CACNA2D2: variants seen among roughly 807,000 people sequenced by gnomAD.
CACNA2D2 encodes the protein voltage-dependent calcium channel subunit alpha-2/delta-2.
CACNA2D2 carries 48 observed loss-of-function variants against 166.4 expected under a neutral mutation model. The observed-to-expected ratio is 0.29, with a 90% CI of 0.23 to 0.37. The LOEUF (loss-of-function observed/expected upper bound fraction) is 0.37, where lower values mean the gene tolerates loss of function less well. Ranked by LOEUF, CACNA2D2 falls within the 10% of genes least tolerant of loss-of-function variation. CACNA2D2 has a pLI of 1.00. For synonymous variants in CACNA2D2, 561 were observed against 573.7 expected, an observed-to-expected ratio of 0.98 and a Z score of 0.32; for missense variants, 1,122 against 1,433.0, an observed-to-expected ratio of 0.78 and a Z score of 3.50.
chr3:50,440,678 G>A (rs895129143), intron 2 of CACNA2D2, among the ~76,000 whole-genome samples: 3 of 152,164 alleles, frequency 2.0e-5, no homozygotes, highest in Non-Finnish European at 4.4e-5. Context: ...TCTCCTGGGT[G>A]GGCGGCCCAT....
intron 24 of CACNA2D2, 112 bp from the exon 25 acceptor site, chr3:50,368,014 G>A (rs1290769870): frequency 4.5e-5 from 52 of 1,145,708 alleles, no homozygotes; most frequent in Non-Finnish European, 6.3e-5. Flanking sequence ...CCTGGCCCTG[G>A]CCCAGGCCCA....
chr3:50,469,925 C>T (rs1559980008), intron 2 of CACNA2D2, among the ~76,000 whole-genome samples: 1 of 152,236 alleles, frequency 6.6e-6, no homozygotes, highest in African/African-American at 2.4e-5. Context: ...CTTGGAAGTG[C>T]CCTCTAGTGA....
rs754976968 is a variant in CACNA2D2, at chr3:50,366,567, G to T, written c.2637+11C>A. ...AAGCTAGGGTCCAGGGTAGGTTCAG[G>T]GCACACACACCTCATTGTTAACCTC... On this transcript the variant is annotated intron_variant, in intron 30 of 37. Transcript: ENST00000424201. This position sits in a 1 kb window ranked among gnomAD's most constrained non-coding sequence, Gnocchi z 5.9. The T allele has an allele frequency of 6.2e-7, 1 of 1,613,754 alleles. No homozygotes were observed. The highest frequency in any genetic ancestry group is 8.5e-7 in the Non-Finnish European group (1 of 1,179,762).
chr3:50,465,173 G>A (rs1402226015), intron 2 of CACNA2D2, among the ~76,000 whole-genome samples: 1 of 152,234 alleles, frequency 6.6e-6, no homozygotes. Flanking sequence ...CCCGGGAGGT[G>A]GCCACATTTG....
intron 1 of CACNA2D2, among the ~76,000 whole-genome samples, chr3:50,497,175 C>A (rs977116336): frequency 1.6e-4 from 25 of 152,156 alleles, no homozygotes; most frequent in African/African-American, 5.1e-4. Context: ...GCGGCCACAG[C>A]TAAAGCAGGG....
chr3:50,363,184 C>T lies in CACNA2D2; in HGVS notation c.*1482G>A. ...TGACTACACTACAGTTACACGCACG[C>T]CCCCGAAGGACACAGCTGGCATCCA... is the stretch of plus-strand genomic sequence containing the variant. On this transcript the variant is annotated 3_prime_UTR_variant, in exon 38 of 38. Coordinates refer to ENST00000424201, the MANE Select transcript of CACNA2D2 (RefSeq NM_006030.4). 2.5e-6 allele frequency: 1 copy of T among 398,942 alleles called. No individual in the cohort carries two copies. Among genetic ancestry groups the T allele is most frequent in the Non-Finnish European group, 4.4e-6 (1 of 226,064 alleles). The allele number at this position is 398,942 out of a possible 1,614,324, so 24.7% of individuals were successfully genotyped here. A position where few individuals can be genotyped will look rare whatever the true frequency, so the allele number is the denominator to read the frequency against.
chr3:50,462,509 C>T (rs1166732434), intron 2 of CACNA2D2, among the ~76,000 whole-genome samples: 2 of 151,898 alleles, frequency 1.3e-5, no homozygotes, highest in Non-Finnish European at 2.9e-5. Flanking sequence ...ATCCAAAAGT[C>T]TTCCGCAAGG....
intron 2 of CACNA2D2, among the ~76,000 whole-genome samples, chr3:50,435,082 C>T (rs1386090693): frequency 1.3e-5 from 2 of 152,036 alleles, no homozygotes; most frequent in Non-Finnish European, 2.9e-5. Context: ...CCCAGCCTTC[C>T]TCCAAGGGGG....
At chr3:50,420,366 G>A (rs1707491483) in intron 3 of CACNA2D2, among the ~76,000 whole-genome samples, 2 of 152,216 alleles carry the variant, frequency 1.3e-5, no homozygotes, top group Non-Finnish European at 2.9e-5. Flanking sequence ...GCAGCCTCTG[G>A]TTTTCCATGT....
intron 4 of CACNA2D2, among the ~76,000 whole-genome samples, chr3:50,391,047 G>A (rs115586086): frequency 0.026 from 3,954 of 152,366 alleles, 81 homozygotes; most frequent in Non-Finnish European, 0.042. Context: ...TGGCTTGGCA[G>A]AGGCAGGCAG....
At chr3:50,440,518 C>T (rs985225569) in intron 2 of CACNA2D2, among the ~76,000 whole-genome samples, 3 of 152,238 alleles carry the variant, frequency 2.0e-5, no homozygotes, top group African/African-American at 4.8e-5. Flanking sequence ...ATTAATAATT[C>T]CCCTTCATAT....
chr3:50,415,324 T>C (rs1299096083), intron 3 of CACNA2D2, among the ~76,000 whole-genome samples: 3 of 152,148 alleles, frequency 2.0e-5, no homozygotes, highest in African/African-American at 7.2e-5. Flanking sequence ...GGGTCCAGGG[T>C]TGGGTTTGAC....
At chr3:50,418,345 C>T (rs1308206811) in intron 3 of CACNA2D2, among the ~76,000 whole-genome samples, 1 of 152,200 alleles carries the variant, frequency 6.6e-6, no homozygotes, top group African/African-American at 2.4e-5. Context: ...GTTCCCACTG[C>T]TCTTTCTACC....
chr3:50,441,738 C>A (rs1160576001), intron 2 of CACNA2D2, among the ~76,000 whole-genome samples: 1 of 152,274 alleles, frequency 6.6e-6, no homozygotes, highest in East Asian at 1.9e-4. Context: ...CCAGGCCTGA[C>A]TTGAGGCCTC....
intron 2 of CACNA2D2, among the ~76,000 whole-genome samples, chr3:50,460,079 T>C (rs1025853589): frequency 6.6e-6 from 1 of 150,664 alleles, no homozygotes; most frequent in African/African-American, 2.4e-5. Flanking sequence ...CAACATGGAG[T>C]TTTTAAATAC....
chr3:50,412,349 C>T (rs557286757), intron 3 of CACNA2D2, among the ~76,000 whole-genome samples: 9 of 152,318 alleles, frequency 5.9e-5, no homozygotes, highest in South Asian at 2.1e-4. Context: ...ATCTGGCAGG[C>T]GCAGCCGTCT....
chr3:50,446,046 A>T (rs979575725), intron 2 of CACNA2D2, among the ~76,000 whole-genome samples: 1 of 152,228 alleles, frequency 6.6e-6, no homozygotes. Context: ...CATGCAAACA[A>T]ACTGTGCAAA....
chr3:50,393,512 T>C (rs1705986607), intron 4 of CACNA2D2, among the ~76,000 whole-genome samples: 2 of 152,104 alleles, frequency 1.3e-5, no homozygotes, highest in African/African-American at 4.8e-5. Context: ...CTGGGATGGG[T>C]GAGGCTCCCC....
intron 2 of CACNA2D2, among the ~76,000 whole-genome samples, chr3:50,448,591 C>A (rs570969319): frequency 6.6e-5 from 10 of 151,996 alleles, no homozygotes; most frequent in Non-Finnish European, 1.5e-4. Context: ...AGGTTTATGG[C>A]GCATGTTGGG....
Sources: allele counts gnomAD v4.1 joint callset (sites outside exome capture counted in the v4.1 genomes callset), GRCh38; gene constraint gnomAD v4.1.1; non-coding constraint Gnocchi (gnomAD v3.1); transcripts MANE v1.5; gene names NCBI Gene and HGNC (gene_info 2026-07-23, HGNC 2026-07-21).